Variants in THNSL1 observed in about 807,000 individuals in gnomAD.
The protein encoded by THNSL1 is threonine synthase-like 1.
A neutral mutation model predicts 50.4 loss-of-function variants in THNSL1; 48 were observed. That is an observed-to-expected ratio of 0.95 (90% CI 0.76 to 1.21). The LOEUF is 1.21. Among genes scored for constraint, THNSL1 ranks in the 50% most tolerant of loss-of-function variants. THNSL1 has a pLI of 0.00. For synonymous variants in THNSL1, 309 were observed against 306.1 expected (o/e 1.01, Z -0.10); for missense variants, 896 against 871.7 (o/e 1.03, Z -0.35).
the THNSL1 span, among the ~76,000 whole-genome samples, chr10:24,963,048 T>G: frequency 6.6e-6 from 1 of 152,212 alleles, no homozygotes; most frequent in Non-Finnish European, 1.5e-5. Context: ...ATTCCAAGAT[T>G]GATGTCACTG....
the THNSL1 span, among the ~76,000 whole-genome samples, chr10:25,002,969 C>T: frequency 6.6e-6 from 1 of 151,570 alleles, no homozygotes; most frequent in Non-Finnish European, 1.5e-5. Flanking sequence ...ATTTGTAAAC[C>T]CATGATTCAA....
At chr10:24,998,226 C>A in the THNSL1 span, among the ~76,000 whole-genome samples, 1 of 152,092 alleles carries the variant, frequency 6.6e-6, no homozygotes, top group African/African-American at 2.4e-5. Flanking sequence ...TTCCTCAATG[C>A]CAGCAGACAT....
the THNSL1 span, among the ~76,000 whole-genome samples, chr10:24,955,146 A>G: frequency 6.6e-6 from 1 of 152,184 alleles, no homozygotes; most frequent in Non-Finnish European, 1.5e-5. Flanking sequence ...ATGGCAGAGC[A>G]GGAGAGAGAG....
the THNSL1 span, chr10:24,995,752 A>G: frequency 6.2e-7 from 1 of 1,614,048 alleles, no homozygotes; most frequent in Non-Finnish European, 8.5e-7. Flanking sequence ...CACTCCCATG[A>G]TGATATCAGC....
Position 25,025,227 on chromosome 10 carries a change from C to G in THNSL1, c.2004C>G (p.Tyr668Ter), listed in dbSNP as rs747724077. The G allele has an allele frequency of 1.2e-6, 2 of 1,614,188 alleles. No individual in the cohort carries two copies. Among genetic ancestry groups the G allele is most frequent in the African/African-American group, 2.7e-5 (2 of 75,058 alleles). Residue 668 changes from tyrosine (Y) to a stop codon, truncating the protein, a stop_gained, in exon 3 of 3, where the codon TAC becomes TAG. Coordinates refer to ENST00000376356, the MANE Select transcript of THNSL1 (RefSeq NM_024838.5). LOFTEE classifies it high-confidence loss of function. Reference protein sequence around the residue: ...CPVIISSTAHYSKFAPAIMQA... With the variant: ...CPVIISSTAH ...TGATTATCTCATCTACAGCCCATTACTCAAAGTTTGCACCTGCTATCATGC... is the reference window on the plus strand; with the variant it reads ...TGATTATCTCATCTACAGCCCATTAGTCAAAGTTTGCACCTGCTATCATGC...
chr10:24,992,299 A>C, the THNSL1 span, among the ~76,000 whole-genome samples: 1 of 152,282 alleles, frequency 6.6e-6, no homozygotes, highest in African/African-American at 2.4e-5. Context: ...ATAAAGAAGG[A>C]TAGTGGGGGA....
rs1280694008 is a variant in THNSL1 at position 25,023,195 on chromosome 10, GT to G, written c.-27del. The G allele has an allele frequency of 6.4e-7, 1 of 1,570,526 alleles. No individual in the cohort carries two copies. The highest frequency in any genetic ancestry group is 8.6e-7 in the Non-Finnish European group (1 of 1,160,998). ...GAAAAGGGCTAAAGCCAATTTTTAG[GT>G]TGGCTTGGGCAGAAAAGTGAAAAGA... On this transcript the variant is annotated 5_prime_UTR_variant, in exon 3 of 3. Coordinates refer to ENST00000376356, the MANE Select transcript of THNSL1 (RefSeq NM_024838.5).
At chr10:25,017,917 A>C (rs1321440348) in intron 1 of THNSL1, among the ~76,000 whole-genome samples, 1 of 152,220 alleles carries the variant, frequency 6.6e-6, no homozygotes, top group Non-Finnish European at 1.5e-5. Context: ...CCATTAGCCA[A>C]GTGGATAGTC....
At chr10:25,013,967 A>T (rs201914806), upstream of THNSL1, among the ~76,000 whole-genome samples, 1 of 148,604 alleles carries the variant, frequency 6.7e-6, no homozygotes, top group South Asian at 2.2e-4. Flanking sequence ...TAAAAAAAAA[A>T]GGGTGACAGA....
chr10:24,987,333 C>G, the THNSL1 span, among the ~76,000 whole-genome samples: 1 of 152,060 alleles, frequency 6.6e-6, no homozygotes, highest in Non-Finnish European at 1.5e-5. Context: ...TCACTTCTGT[C>G]AATAATTCCT....
At position 25,016,678 on chromosome 10, in the gene THNSL1, G is replaced by A. The variant is rs1850587726; in HGVS notation, c.-230G>A. 6.6e-6 allele frequency: 1 copy of A among 152,360 alleles called. No individual in the cohort carries two copies. Among genetic ancestry groups the A allele is most frequent in the Admixed American group, 6.5e-5 (1 of 15,286 alleles). The allele number at this position is 152,360 out of a possible 1,614,324, so 9.4% of individuals were successfully genotyped here. ...AGTCCACTGCGCGGGGGCGGGACCGGGGAGCTAGCTGCAGGTACGGTGCTC... is the reference window on the plus strand; with the variant it reads ...AGTCCACTGCGCGGGGGCGGGACCGAGGAGCTAGCTGCAGGTACGGTGCTC... On this transcript the variant is annotated 5_prime_UTR_variant, in exon 1 of 3. Coordinates refer to ENST00000376356, the MANE Select transcript of THNSL1 (RefSeq NM_024838.5).
the THNSL1 span, among the ~76,000 whole-genome samples, chr10:25,004,775 T>A: frequency 6.6e-6 from 1 of 152,188 alleles, no homozygotes; most frequent in South Asian, 2.1e-4. Flanking sequence ...TTAGATCCCA[T>A]ATGTCAATTT....
rs1265175186 is a variant in THNSL1 at position 25,023,543 on chromosome 10, G to C, written c.320G>C (p.Gly107Ala). The C allele has an allele frequency of 6.2e-7, 1 of 1,614,084 alleles. No individual in the cohort carries two copies. Among genetic ancestry groups the C allele is most frequent in the African/African-American group, 1.3e-5 (1 of 75,028 alleles). Reference sequence around the variant, plus strand: ...GTGTCTGAAAAATTACAGGATGTTGGTAATGAGCAATTTTTAGAAGAGGAA... The same window carrying C: ...GTGTCTGAAAAATTACAGGATGTTGCTAATGAGCAATTTTTAGAAGAGGAA... ...MSVSEKLQDV[G>A]NEQFLEEEGK... Residue 107 changes from glycine to alanine, a missense_variant, in exon 3 of 3, where the codon GGT (glycine) becomes GCT (alanine). Transcript: ENST00000376356.
the THNSL1 span, among the ~76,000 whole-genome samples, chr10:25,001,114 C>A: frequency 6.6e-6 from 1 of 151,898 alleles, no homozygotes; most frequent in African/African-American, 2.4e-5. Context: ...TTGAAAAAAT[C>A]TTGAATATTT....
chr10:24,962,425 A>C, the THNSL1 span, among the ~76,000 whole-genome samples: 1 of 152,262 alleles, frequency 6.6e-6, no homozygotes. Context: ...AACAACACAC[A>C]TTAACTTCAA....
At chr10:24,999,365 C>CTT in the THNSL1 span, 4 of 1,565,250 alleles carry the variant, frequency 2.6e-6, no homozygotes, top group Non-Finnish European at 2.6e-6. Flanking sequence ...CCTGCTAATG[C>CTT]TTTTAATATT....
At chr10:24,958,780 C>T in the THNSL1 span, among the ~76,000 whole-genome samples, 1 of 152,332 alleles carries the variant, frequency 6.6e-6, no homozygotes, top group East Asian at 1.9e-4. Flanking sequence ...TAATGTCAGA[C>T]CTGAGGAATA....
chr10:24,982,362 C>T, the THNSL1 span: 1 of 152,172 alleles, frequency 6.6e-6, no homozygotes, highest in Non-Finnish European at 1.5e-5. Flanking sequence ...ATGCCAGTTA[C>T]AGTGGGTAGG....
At chr10:24,969,681 G>A in the THNSL1 span, among the ~76,000 whole-genome samples, 1 of 152,168 alleles carries the variant, frequency 6.6e-6, no homozygotes, top group Non-Finnish European at 1.5e-5. Flanking sequence ...AGCCCCTGTA[G>A]CTGATGAATT....
Sources: gnomAD v4.1 joint callset for allele counts (sites outside exome capture counted in the v4.1 genomes callset) on GRCh38, gnomAD v4.1.1 for gene constraint, MANE v1.5 for transcripts, NCBI Gene and HGNC (gene_info 2026-07-23, HGNC 2026-07-21) for gene names.